The following PPTC7 variants were observed in gnomAD, a reference collection of about 807,000 sequenced individuals.
PPTC7 encodes protein phosphatase PTC7 homolog.
PPTC7 carries 6 observed loss-of-function variants against 30.8 expected under a neutral mutation model. The ratio of observed to expected loss-of-function variants is 0.19; its 90% confidence interval spans 0.11 to 0.38. The LOEUF (loss-of-function observed/expected upper bound fraction) is 0.38, where lower values mean the gene tolerates loss of function less well. PPTC7 is among the 10% of genes least tolerant of loss of function. The pLI, the probability that PPTC7 is intolerant of heterozygous loss-of-function variation, is 1.00. For synonymous variants in PPTC7, 163 were observed against 168.1 expected, an observed-to-expected ratio of 0.97 and a Z score of 0.23; for missense variants, 218 against 404.8, an observed-to-expected ratio of 0.54 and a Z score of 3.96.
In PPTC7 at chr12:110,583,046, C is replaced by CTG. The variant is rs2064653816; in HGVS notation, c.-16_-15insCA. 7.2e-7 allele frequency: 1 copy of CTG among 1,384,468 alleles called. No homozygotes were observed. The highest frequency in any genetic ancestry group is 9.3e-7 in the Non-Finnish European group (1 of 1,079,938). The allele number at this position is 1,384,468 out of a possible 1,614,324, so 85.8% of individuals were successfully genotyped here. On this transcript the variant is annotated 5_prime_UTR_variant, in exon 1 of 6. Coordinates refer to ENST00000354300, the MANE Select transcript of PPTC7 (RefSeq NM_139283.2). ...ACCGAGAACATCGCCGCCGCCGCCC[C>CTG]CCCGAGGAGGCGGGGGGCCGGGGGA...
At chr12:110,559,864 C>T (rs2064423864) in intron 1 of PPTC7, among the ~76,000 whole-genome samples, 1 of 152,028 alleles carries the variant, frequency 6.6e-6, no homozygotes, top group Non-Finnish European at 1.5e-5. Flanking sequence ...TCCTGAATAT[C>T]TGGGACTACA....
chr12:110,544,178 A>C (rs2064287043), intron 3 of PPTC7, among the ~76,000 whole-genome samples: 1 of 152,222 alleles, frequency 6.6e-6, no homozygotes, highest in Non-Finnish European at 1.5e-5. Context: ...AATTGGAAGA[A>C]TATTTAGACT....
In PPTC7 at chr12:110,536,679, C is replaced by T. The variant is rs1451434001; in HGVS notation, c.*358G>A. The T allele has an allele frequency of 4.4e-6, 1 of 227,250 alleles. No homozygotes were observed. Among genetic ancestry groups the T allele is most frequent in the Non-Finnish European group, 8.5e-6 (1 of 117,108 alleles). The allele number at this position is 227,250 out of a possible 1,614,324, so 14.1% of individuals were successfully genotyped here. On this transcript the variant is annotated 3_prime_UTR_variant, in exon 6 of 6. Coordinates refer to ENST00000354300, the MANE Select transcript of PPTC7 (RefSeq NM_139283.2). The stretch of plus-strand genomic sequence containing the variant: ...AGACTTGTACCATCCCTTTAGCATA[C>T]TAGGATTTTGAATTCACTTTACCAA...
At chr12:110,549,773 T>C (rs1026149776) in intron 2 of PPTC7, among the ~76,000 whole-genome samples, 1 of 152,168 alleles carries the variant, frequency 6.6e-6, no homozygotes, top group Non-Finnish European at 1.5e-5. Context: ...ACGTGTTTTG[T>C]AACCAGTTAT....
rs11319526 is a variant in PPTC7, at chr12:110,562,286, C to CAA, written c.224-10320_224-10319dup. ...TGGGCAACAGATTGAGACTCCATCT[C>CAA]AAAAAAAAAAAAAAAAAAAAAAAAA... On this transcript the variant is annotated intron_variant, in intron 1 of 5. Transcript: ENST00000354300. Among the ~76,000 whole-genome samples the CAA allele has an allele frequency of 2.9e-3, 101 of 34,730 alleles. 8 individuals carry two copies. Among genetic ancestry groups the CAA allele is most frequent in the African/African-American group, 8.6e-3 (69 of 7,998 alleles). The allele number at this position is 34,730 out of a possible 152,430, so 22.8% of individuals were successfully genotyped here.
rs528216318 is a variant in PPTC7 at position 110,576,738 on chromosome 12, G to C, written c.223+6071C>G. Among the ~76,000 whole-genome samples the C allele has an allele frequency of 2.0e-5, 3 of 152,200 alleles. No individual in the cohort carries two copies. The South Asian group carries it at 6.2e-4, about 32-fold the overall frequency. On this transcript the variant is annotated intron_variant, in intron 1 of 5. Transcript: ENST00000354300. ...ACTGCTAATGGATAGGGGGTTTCTT[G>C]GGGGGTGATGAAAAACATTCTGGAA...
At chr12:110,573,324 A>G (rs1182533532) in intron 1 of PPTC7, among the ~76,000 whole-genome samples, 1 of 152,200 alleles carries the variant, frequency 6.6e-6, no homozygotes, top group Non-Finnish European at 1.5e-5. Context: ...ATTGGAAACA[A>G]CCTAAATAAC....
chr12:110,559,492 G>A (rs565642999), intron 1 of PPTC7, among the ~76,000 whole-genome samples: 6 of 151,562 alleles, frequency 4.0e-5, no homozygotes, highest in South Asian at 4.2e-4. Flanking sequence ...TTGGGAGGCC[G>A]AGGTGGGCAG....
In PPTC7 at chr12:110,540,310, T is replaced by TCCC. The variant is rs1235977655; in HGVS notation, c.603-368_603-366dup. Among the ~76,000 whole-genome samples, 169 of 104,346 alleles carry TCCC rather than the reference T, an allele frequency of 1.6e-3. 1 individual carries two copies. The highest frequency in any genetic ancestry group is 3.7e-3 in the African/African-American group (98 of 26,328). The allele number at this position is 104,346 out of a possible 152,430, so 68.5% of individuals were successfully genotyped here. A position where few individuals can be genotyped will look rare whatever the true frequency, so the allele number is the denominator to read the frequency against. On this transcript the variant is annotated intron_variant, in intron 3 of 5. Coordinates refer to ENST00000354300, the MANE Select transcript of PPTC7 (RefSeq NM_139283.2). ...CCTAATTCTTTACAGCCGAATTCCATCCCCCCCCGCCTTTTTTTTTTTTTT... is the reference window on the plus strand; with the variant it reads ...CCTAATTCTTTACAGCCGAATTCCATCCCCCCCCCCCGCCTTTTTTTTTTTTTT...
At chr12:110,545,013 G>A (rs1470584772) in intron 3 of PPTC7, among the ~76,000 whole-genome samples, 1 of 152,100 alleles carries the variant, frequency 6.6e-6, no homozygotes, top group African/African-American at 2.4e-5. Context: ...GGACTCCAGC[G>A]ATTTTCCAGC....
chr12:110,536,958 TG>T lies in PPTC7; in HGVS notation c.*78del. ...CATTGAGATCAGTGGCAAAGAAATG[TG>T]GTCCTGCCAGCAGGATCAGCACACA... On this transcript the variant is annotated 3_prime_UTR_variant, in exon 6 of 6. Coordinates refer to ENST00000354300, the MANE Select transcript of PPTC7 (RefSeq NM_139283.2). 1 of 1,049,476 alleles carries T rather than the reference TG, an allele frequency of 9.5e-7. No homozygotes were observed. The highest frequency in any genetic ancestry group is 1.5e-6 in the Non-Finnish European group (1 of 674,760). 65.0% of individuals were successfully genotyped at this position (1,049,476 alleles called of 1,614,324 possible). A position where few individuals can be genotyped will look rare whatever the true frequency, so the allele number is the denominator to read the frequency against.
At chr12:110,539,554 G>A (rs979294381) in intron 4 of PPTC7, among the ~76,000 whole-genome samples, 1 of 152,142 alleles carries the variant, frequency 6.6e-6, no homozygotes, top group African/African-American at 2.4e-5. Flanking sequence ...ACCAGGACCC[G>A]ACACCATTAA....
At chr12:110,553,997 T>G (rs1410949139) in intron 1 of PPTC7, among the ~76,000 whole-genome samples, 1 of 152,092 alleles carries the variant, frequency 6.6e-6, no homozygotes, top group Non-Finnish European at 1.5e-5. Flanking sequence ...TAGCTGGGAC[T>G]ACAGGTGCTC....
At chr12:110,558,208 A>C (rs988417367) in intron 1 of PPTC7, among the ~76,000 whole-genome samples, 10 of 152,110 alleles carry the variant, frequency 6.6e-5, no homozygotes, top group Admixed American at 6.5e-4. Context: ...ATCTTTGTGG[A>C]AGTGTTGTGT....
chr12:110,571,695 T>C (rs955562575), intron 1 of PPTC7, among the ~76,000 whole-genome samples: 3 of 152,174 alleles, frequency 2.0e-5, no homozygotes, highest in Non-Finnish European at 4.4e-5. Context: ...ACATAGCCTA[T>C]ATAGGGTTTC....
chr12:110,555,693 G>C (rs1214456765), intron 1 of PPTC7, among the ~76,000 whole-genome samples: 1 of 152,178 alleles, frequency 6.6e-6, no homozygotes, highest in Non-Finnish European at 1.5e-5. Context: ...GTGAGGGAAA[G>C]AGAAGCAACC....
chr12:110,542,819 AAAAC>A (rs774197639), intron 3 of PPTC7, among the ~76,000 whole-genome samples: 1 of 152,068 alleles, frequency 6.6e-6, no homozygotes, highest in African/African-American at 2.4e-5. Context: ...CTTGAAAAAA[AAAAC>A]AGATGGAAGA....
At chr12:110,567,027 T>C (rs561778208) in intron 1 of PPTC7, among the ~76,000 whole-genome samples, 1 of 152,282 alleles carries the variant, frequency 6.6e-6, no homozygotes, top group South Asian at 2.1e-4. Context: ...ACATGGGAAA[T>C]CCTAAAACTA....
At position 110,550,214 on chromosome 12, in the gene PPTC7, CA is replaced by C. The variant is rs1339996681; in HGVS notation, c.403+1574del. ...TGTGGTGATCTCCATTAACGCTAAA[CA>C]GGGGCTGATTTTTTTTTTTTTTTTT... On this transcript the variant is annotated intron_variant, in intron 2 of 5. Transcript: ENST00000354300. Among the ~76,000 whole-genome samples the C allele has an allele frequency of 1.1e-4, 16 of 149,294 alleles. No homozygotes were observed. The Middle Eastern group carries it at 0.014, about 131-fold the overall frequency.
Sources: gnomAD v4.1 joint callset for allele counts (sites outside exome capture counted in the v4.1 genomes callset) on GRCh38, gnomAD v4.1.1 for gene constraint, MANE v1.5 for transcripts, NCBI Gene and HGNC (gene_info 2026-07-23, HGNC 2026-07-21) for gene names.